The following NRG1 variants were observed in gnomAD, a reference collection of about 807,000 sequenced individuals.
NRG1 encodes the protein pro-neuregulin-1, membrane-bound isoform.
Under a neutral mutation model 63.8 loss-of-function variants are expected in NRG1, and 18 were observed. The ratio of observed to expected loss-of-function variants is 0.28; its 90% CI spans 0.19 to 0.42. The LOEUF (loss-of-function observed/expected upper bound fraction) is 0.42. NRG1 is among the 10% of genes least tolerant of loss of function. NRG1 has a pLI of 1.00. For missense variants in NRG1, 762 were observed against 814.7 expected, an observed-to-expected ratio of 0.94 and a Z score of 0.79; for synonymous variants, 302 against 301.3, an observed-to-expected ratio of 1.00 and a Z score of -0.02.
chr8:31,695,163 C>G (rs1429550844), intron 1 of NRG1, among the ~76,000 whole-genome samples: 1 of 152,020 alleles, frequency 6.6e-6, no homozygotes, highest in Non-Finnish European at 1.5e-5. Flanking sequence ...AGAAGTGCTA[C>G]ACACTTTTAT....
intron 1 of NRG1, among the ~76,000 whole-genome samples, chr8:32,539,992 C>A (rs145765694): frequency 1.3e-5 from 2 of 151,970 alleles, no homozygotes; most frequent in Non-Finnish European, 2.9e-5. Context: ...GAGTTGGAGA[C>A]GAGACAGAGT....
At chr8:32,281,118 T>C (rs1852767427) in intron 1 of NRG1, among the ~76,000 whole-genome samples, 1 of 151,848 alleles carries the variant, frequency 6.6e-6, no homozygotes, top group Non-Finnish European at 1.5e-5. Context: ...TTACTGGGGT[T>C]TGGTGTACAA....
intron 1 of NRG1, among the ~76,000 whole-genome samples, chr8:31,658,824 G>T (rs1805687171): frequency 6.6e-6 from 1 of 152,170 alleles, no homozygotes; most frequent in South Asian, 2.1e-4. Context: ...TCTGCAGCAG[G>T]ATTCAGTGGA....
chr8:32,239,683 G>C (rs1205224685), intron 1 of NRG1, among the ~76,000 whole-genome samples: 1 of 152,058 alleles, frequency 6.6e-6, no homozygotes, highest in East Asian at 1.9e-4. Flanking sequence ...TGTACCTAGA[G>C]AGTATAAAGA....
intron 1 of NRG1, among the ~76,000 whole-genome samples, chr8:32,275,138 G>C (rs1586562306): frequency 1.3e-5 from 2 of 152,088 alleles, no homozygotes; most frequent in African/African-American, 4.8e-5. Flanking sequence ...GATACTGTCG[G>C]GTGATCAGGA....
At chr8:31,814,219 C>A (rs574547738) in intron 1 of NRG1, among the ~76,000 whole-genome samples, 1 of 152,166 alleles carries the variant, frequency 6.6e-6, no homozygotes. Flanking sequence ...ATCATGAAGA[C>A]GTCCTCACTG....
chr8:32,533,742 TGA>T (rs1831684961), intron 1 of NRG1, among the ~76,000 whole-genome samples: 1 of 152,078 alleles, frequency 6.6e-6, no homozygotes. Context: ...TTCAGTACCA[TGA>T]AAGTGATAAC....
In NRG1 at chr8:32,273,059, G is replaced by T. The variant is rs181426246; in HGVS notation, c.38-322769G>T. ...TTTGTATTCATTTCTCCATAAATTT[G>T]CCAAAGTTAGAAGAGAAAATCCATA... On this transcript the variant is annotated intron_variant, in intron 1 of 10. Coordinates refer to the NRG1 transcript ENST00000519301. Among the ~76,000 whole-genome samples the T allele has an allele frequency of 7.9e-4, 120 of 152,186 alleles. 1 individual carries two copies. Among genetic ancestry groups the T allele is most frequent in the African/African-American group, 2.6e-3 (109 of 41,522 alleles).
intron 8 of NRG1, 40 bp from the exon 9 acceptor site, chr8:32,756,363 A>G (rs1445512710): frequency 6.3e-7 from 1 of 1,596,368 alleles, no homozygotes; most frequent in Non-Finnish European, 8.5e-7. Context: ...TGAAATGAAA[A>G]TAATCAAAAA....
At chr8:31,719,265 C>T (rs1223170071) in intron 1 of NRG1, among the ~76,000 whole-genome samples, 3 of 152,130 alleles carry the variant, frequency 2.0e-5, no homozygotes, top group East Asian at 3.9e-4. Context: ...TAGATCCTTT[C>T]CTATCAGCCA....
At chr8:32,261,217 A>G (rs1448134449) in intron 1 of NRG1, among the ~76,000 whole-genome samples, 1 of 152,096 alleles carries the variant, frequency 6.6e-6, no homozygotes, top group African/African-American at 2.4e-5. Flanking sequence ...ATTCACTCAA[A>G]TTCAGACTTT....
intron 1 of NRG1, among the ~76,000 whole-genome samples, chr8:32,526,514 G>T (rs1051794815): frequency 1.3e-5 from 2 of 152,156 alleles, no homozygotes; most frequent in Non-Finnish European, 2.9e-5. Flanking sequence ...ATTATACAAG[G>T]CGTAAATACC....
chr8:32,433,916 T>TA (rs1181542842), intron 1 of NRG1, among the ~76,000 whole-genome samples: 8 of 152,024 alleles, frequency 5.3e-5, no homozygotes, highest in African/African-American at 1.9e-4. Context: ...CAGTAAAACT[T>TA]AGACTTCACA....
chr8:32,754,038 T>C (rs1452253939), intron 7 of NRG1, among the ~76,000 whole-genome samples: 4 of 152,148 alleles, frequency 2.6e-5, no homozygotes, highest in Non-Finnish European at 5.9e-5. Context: ...AAAATAAAAC[T>C]ACAGAGTTTT....
intron 1 of NRG1, among the ~76,000 whole-genome samples, chr8:31,746,076 CT>C (rs897846795): frequency 3.3e-4 from 48 of 147,248 alleles, no homozygotes; most frequent in East Asian, 4.0e-4. Flanking sequence ...ATCTTAAAGA[CT>C]TTTTTTTTTT....
intron 1 of NRG1, among the ~76,000 whole-genome samples, chr8:32,054,537 A>T (rs181699101): frequency 6.6e-6 from 1 of 152,324 alleles, no homozygotes; most frequent in Non-Finnish European, 1.5e-5. Flanking sequence ...TTATTGTTAA[A>T]GCATTTAGAT....
chr8:32,044,517 C>T (rs781491836), intron 1 of NRG1, among the ~76,000 whole-genome samples: 6 of 151,496 alleles, frequency 4.0e-5, no homozygotes, highest in Non-Finnish European at 8.9e-5. Flanking sequence ...TTCAAGTGCA[C>T]GTGGAATAAT....
At chr8:31,724,607 AC>A (rs1354666798) in intron 1 of NRG1, among the ~76,000 whole-genome samples, 1 of 141,930 alleles carries the variant, frequency 7.0e-6, no homozygotes, top group Non-Finnish European at 1.6e-5. Context: ...AAGGATGCCA[AC>A]ATTTTTTTTT....
At chr8:32,192,551 G>T (rs1219309341) in intron 1 of NRG1, among the ~76,000 whole-genome samples, 3 of 152,116 alleles carry the variant, frequency 2.0e-5, no homozygotes, top group Non-Finnish European at 4.4e-5. Flanking sequence ...GGTACCCATG[G>T]ACGTAAAGAT....
Sources: allele counts gnomAD v4.1 joint callset (sites outside exome capture counted in the v4.1 genomes callset), GRCh38; gene constraint gnomAD v4.1.1; transcripts MANE v1.5; gene names NCBI Gene and HGNC (gene_info 2026-07-23, HGNC 2026-07-21).